The following FLI1 variants were observed in gnomAD, a reference collection of about 807,000 sequenced individuals.
FLI1 encodes the protein Fli-1 proto-oncogene, ETS transcription factor, also known as Friend leukemia integration 1 transcription factor.
FLI1 carries 13 observed loss-of-function variants against 53.1 expected under a neutral mutation model. That is an observed-to-expected ratio of 0.24 (90% CI 0.16 to 0.39). The LOEUF (loss-of-function observed/expected upper bound fraction) is 0.39, where lower values mean the gene tolerates loss of function less well. Ranked by LOEUF, FLI1 falls within the 10% of genes least tolerant of loss-of-function variation. The probability of loss-of-function intolerance (pLI) is 1.00; values close to 1 mark genes in which losing one functional copy is unlikely to be tolerated. For synonymous variants in FLI1, 244 were observed against 236.7 expected, an observed-to-expected ratio of 1.03 and a Z score of -0.28; for missense variants, 424 against 600.5, an observed-to-expected ratio of 0.71 and a Z score of 3.07.
At chr11:128,690,397 C>T (rs184277332), upstream of FLI1, among the ~76,000 whole-genome samples, 25 of 152,244 alleles carry the variant, frequency 1.6e-4, no homozygotes, top group Middle Eastern at 3.4e-3. Flanking sequence ...GACGGAGCCA[C>T]CCCTGGGTCT....
intron 1 of FLI1, among the ~76,000 whole-genome samples, chr11:128,717,918 G>C (rs1939086771): frequency 6.6e-6 from 1 of 152,222 alleles, no homozygotes; most frequent in Non-Finnish European, 1.5e-5. Context: ...ACAGTGCACT[G>C]TAGATCTTTG....
chr11:128,761,932 T>G (rs988331498), intron 2 of FLI1, among the ~76,000 whole-genome samples: 3 of 152,062 alleles, frequency 2.0e-5, no homozygotes, highest in African/African-American at 4.8e-5. Context: ...GACTGATATC[T>G]TCTCACCCAC....
intron 1 of FLI1, among the ~76,000 whole-genome samples, chr11:128,713,771 C>A (rs1938892116): frequency 1.3e-5 from 2 of 152,104 alleles, no homozygotes; most frequent in Non-Finnish European, 2.9e-5. Flanking sequence ...AGGCCGAACC[C>A]TGAAAGATAA....
At chr11:128,763,310 C>G (rs1440609998) in intron 2 of FLI1, among the ~76,000 whole-genome samples, 1 of 152,172 alleles carries the variant, frequency 6.6e-6, no homozygotes, top group Non-Finnish European at 1.5e-5. Flanking sequence ...TGCTCTCTTT[C>G]TTCATATCTT....
rs570930818 is a variant in FLI1 at position 128,694,589 on chromosome 11, G to T, written c.18+313G>T. ...GGGAAACCGGGGGACCCCAGGGTAC[G>T]GAACGGAGTCAAGGGCGAGAGACCT... is the stretch of plus-strand genomic sequence containing the variant. On this transcript the variant is annotated intron_variant, in intron 1 of 8. Coordinates refer to ENST00000527786, the MANE Select transcript of FLI1 (RefSeq NM_002017.5). 2.6e-5 allele frequency among the ~76,000 whole-genome samples: 4 copies of T among 152,232 alleles called. No individual in the cohort carries two copies. The South Asian group carries it at 6.2e-4, about 24-fold the overall frequency.
intron 1 of FLI1, among the ~76,000 whole-genome samples, chr11:128,716,470 C>T (rs769633548): frequency 7.9e-5 from 12 of 152,292 alleles, no homozygotes; most frequent in Non-Finnish European, 1.5e-4. Flanking sequence ...CCTGCCTGTA[C>T]GGGAAGTACA....
intron 1 of FLI1, among the ~76,000 whole-genome samples, chr11:128,714,240 G>A (rs1384958409): frequency 1.3e-5 from 2 of 150,360 alleles, no homozygotes; most frequent in East Asian, 3.9e-4. Context: ...CAACTCTTTG[G>A]CAAATAGAGC....
chr11:128,747,273 C>T (rs996859929), intron 1 of FLI1, among the ~76,000 whole-genome samples: 1 of 152,242 alleles, frequency 6.6e-6, no homozygotes, highest in Non-Finnish European at 1.5e-5. Flanking sequence ...GCACTTTATC[C>T]ACCTGTGTGG....
intron 5 of FLI1, among the ~76,000 whole-genome samples, chr11:128,785,112 T>G (rs1942043454): frequency 6.6e-6 from 1 of 152,190 alleles, no homozygotes; most frequent in South Asian, 2.1e-4. Context: ...AAAAATTAAT[T>G]TAGAACAATC....
intron 4 of FLI1, among the ~76,000 whole-genome samples, chr11:128,774,992 G>C (rs1311459464): frequency 6.6e-6 from 1 of 152,138 alleles, no homozygotes; most frequent in Non-Finnish European, 1.5e-5. Context: ...AAAGCAAATT[G>C]CTTCTTTCTT....
upstream of FLI1, among the ~76,000 whole-genome samples, chr11:128,689,157 G>T (rs2135675275): frequency 6.6e-6 from 1 of 152,110 alleles, no homozygotes; most frequent in East Asian, 1.9e-4. Flanking sequence ...AGTAAGTGTA[G>T]AGCTAGAATT....
chr11:128,751,824 GGGTTT>G lies in FLI1; in HGVS notation c.19-6289_19-6285del, dbSNP rs1591780556. Among the ~76,000 whole-genome samples, 2 of 138,084 alleles carry G rather than the reference GGGTTT, an allele frequency of 1.4e-5. 1 individual carries two copies. Among genetic ancestry groups the G allele is most frequent in the African/African-American group, 5.8e-5 (2 of 34,280 alleles). 90.6% of individuals were successfully genotyped at this position (138,084 alleles called of 152,430 possible). ...ATTACAGGCGTGGGTTTTTTTTTTT[GGGTTT>G]GTTTTTTTTTTTTTGTAGAGAAAGA... On this transcript the variant is annotated intron_variant, in intron 1 of 8. Transcript: ENST00000527786.
upstream of FLI1, chr11:128,692,900 C>CGGG: frequency 6.6e-6 from 1 of 152,344 alleles, no homozygotes; most frequent in African/African-American, 2.4e-5. Context: ...AGGAGGGAGG[C>CGGG]GGGGAGGTCT....
At chr11:128,711,896 A>G (rs1007425628) in intron 1 of FLI1, among the ~76,000 whole-genome samples, 24 of 152,374 alleles carry the variant, frequency 1.6e-4, no homozygotes, top group African/African-American at 5.3e-4. Context: ...GCAAATAACC[A>G]GCTAAAGTGG....
chr11:128,764,588 T>C, intron 2 of FLI1: 1 of 1,456,252 alleles, frequency 6.9e-7, no homozygotes, highest in African/African-American at 1.4e-5. Flanking sequence ...GCAGGCAAGC[T>C]GAATGGCAAA....
At chr11:128,746,368 C>G (rs1940388468) in intron 1 of FLI1, among the ~76,000 whole-genome samples, 1 of 151,984 alleles carries the variant, frequency 6.6e-6, no homozygotes, top group South Asian at 2.1e-4. Flanking sequence ...CACATGCCAT[C>G]CACACTCTTT....
At chr11:128,806,522 A>G (rs1942788106) in intron 6 of FLI1, 1 of 152,296 alleles carries the variant, frequency 6.6e-6, no homozygotes, top group Non-Finnish European at 1.5e-5. Flanking sequence ...AAATGATGCT[A>G]TGAAGATATG....
chr11:128,789,289 A>G (rs116445882), intron 5 of FLI1, among the ~76,000 whole-genome samples: 5,500 of 152,274 alleles, frequency 0.036, 311 homozygotes, highest in African/African-American at 0.12. Context: ...GAACCTGTGC[A>G]CCATGGCTTC....
intron 1 of FLI1, among the ~76,000 whole-genome samples, chr11:128,742,466 G>A (rs1042126478): frequency 3.0e-4 from 45 of 152,138 alleles, no homozygotes; most frequent in Non-Finnish European, 5.9e-4. Context: ...TGCATGTTTC[G>A]AGGAGCACAT....
Sources: gnomAD v4.1 joint callset for allele counts (sites outside exome capture counted in the v4.1 genomes callset) on GRCh38, gnomAD v4.1.1 for gene constraint, MANE v1.5 for transcripts, NCBI Gene and HGNC (gene_info 2026-07-23, HGNC 2026-07-21) for gene names.